NBEA: variants seen among roughly 807,000 people sequenced by gnomAD.
NBEA encodes the protein neurobeachin.
In NBEA, 44 loss-of-function variants were observed where a neutral mutation model predicts 343.4. The ratio of observed to expected loss-of-function variants is 0.13; its 90% CI spans 0.10 to 0.16. NBEA has a LOEUF of 0.16. Among genes scored for constraint, NBEA ranks in the 10% least tolerant of loss-of-function variants. NBEA has a pLI of 1.00. For synonymous variants in NBEA, 1,175 were observed against 1,238.7 expected (o/e 0.95, Z 1.08); for missense variants, 2,555 against 3,631.3 (o/e 0.70, Z 7.62).
At chr13:35,079,105 T>C (rs1329037430) in intron 10 of NBEA, among the ~76,000 whole-genome samples, 2 of 152,186 alleles carry the variant, frequency 1.3e-5, no homozygotes, top group Admixed American at 1.3e-4. Context: ...AATGACCCTG[T>C]ATGAAATAGC....
At chr13:35,484,816 A>G (rs2152969179) in intron 41 of NBEA, among the ~76,000 whole-genome samples, 1 of 152,240 alleles carries the variant, frequency 6.6e-6, no homozygotes, top group East Asian at 1.9e-4. Flanking sequence ...GTGGAAAACT[A>G]GTTTACATAA....
intron 1 of NBEA, among the ~76,000 whole-genome samples, chr13:34,993,608 T>C (rs956819542): frequency 2.0e-5 from 3 of 152,188 alleles, no homozygotes; most frequent in East Asian, 3.9e-4. Flanking sequence ...GTGAGGAAGT[T>C]AGTCTCCAAA....
intron 31 of NBEA, among the ~76,000 whole-genome samples, chr13:35,200,560 T>C (rs1368308367): frequency 6.6e-6 from 1 of 151,850 alleles, no homozygotes; most frequent in Non-Finnish European, 1.5e-5. Flanking sequence ...ACAAAGCTTA[T>C]AGTTGTGTTG....
intron 39 of NBEA, among the ~76,000 whole-genome samples, chr13:35,445,973 C>CA (rs1198341980): frequency 6.6e-6 from 1 of 151,396 alleles, no homozygotes; most frequent in East Asian, 1.9e-4. Flanking sequence ...CCCCTCTCCC[C>CA]ACCCCACAAC....
chr13:35,323,654 T>A (rs1223851470), intron 36 of NBEA, among the ~76,000 whole-genome samples: 1 of 151,790 alleles, frequency 6.6e-6, no homozygotes, highest in Non-Finnish European at 1.5e-5. Context: ...ACATGGCACA[T>A]GTATACATAT....
Position 35,196,049 on chromosome 13 carries a change from T to C in NBEA, c.5113T>C (p.Ser1705Pro), listed in dbSNP as rs200565255. Residue 1705 changes from serine to proline, a missense_variant, in exon 31 of 59, where the codon TCC becomes CCC. By Grantham distance (74) the Ser-to-Pro change is moderately conservative. This residue lies in a region of NBEA where 270 missense variants were observed against 293.3 expected (regional missense o/e 0.92). Transcript: ENST00000379939. The stretch of plus-strand genomic sequence containing the variant: ...CCCTGATGCCATGAGTGAACTCTTA[T>C]CCACTTTGTCATCCGAAGTGAAGAA... ...TGPDAMSELL[S>P]TLSSEVKKSQ... 9 of 1,613,550 alleles carry C rather than the reference T, an allele frequency of 5.6e-6. No individual in the cohort carries two copies. Among genetic ancestry groups the C allele is most frequent in the South Asian group, 3.3e-5 (3 of 91,088 alleles).
At chr13:35,027,762 G>T (rs746125456) in intron 1 of NBEA, among the ~76,000 whole-genome samples, 2 of 151,848 alleles carry the variant, frequency 1.3e-5, no homozygotes, top group Non-Finnish European at 2.9e-5. Context: ...CCAGGCTCTA[G>T]GTCCTGAATA....
intron 41 of NBEA, among the ~76,000 whole-genome samples, chr13:35,525,854 A>C (rs2077949707): frequency 6.6e-6 from 1 of 152,128 alleles, no homozygotes. Flanking sequence ...ACATGGTGGA[A>C]GGGGAAGAGG....
chr13:35,179,931 T>G (rs1287893963), intron 28 of NBEA: 1 of 329,532 alleles, frequency 3.0e-6, no homozygotes, highest in African/African-American at 2.2e-5. Context: ...TTAAACAGTT[T>G]GTAAGACAAA....
chr13:34,967,481 G>A (rs2059860235), intron 1 of NBEA, among the ~76,000 whole-genome samples: 1 of 151,872 alleles, frequency 6.6e-6, no homozygotes, highest in Non-Finnish European at 1.5e-5. Context: ...CATATGGCAA[G>A]GATTTGATGC....
intron 39 of NBEA, among the ~76,000 whole-genome samples, chr13:35,441,235 C>T (rs1477771150): frequency 2.6e-5 from 4 of 152,096 alleles, no homozygotes; most frequent in Non-Finnish European, 5.9e-5. Context: ...AAAGAAGACA[C>T]CAAGCCTCTC....
chr13:35,512,461 T>C (rs189752472), intron 41 of NBEA, among the ~76,000 whole-genome samples: 18 of 152,342 alleles, frequency 1.2e-4, no homozygotes, highest in Admixed American at 2.0e-4. Flanking sequence ...AAAAATGGAA[T>C]AGCTGAGTCA....
At chr13:34,997,260 CT>C (rs1435731695) in intron 1 of NBEA, among the ~76,000 whole-genome samples, 2 of 152,104 alleles carry the variant, frequency 1.3e-5, no homozygotes, top group Non-Finnish European at 2.9e-5. Flanking sequence ...ATATGTGATA[CT>C]TTTTGAAATA....
chr13:35,411,145 C>A (rs375316800), intron 38 of NBEA, among the ~76,000 whole-genome samples: 2 of 152,024 alleles, frequency 1.3e-5, no homozygotes, highest in Non-Finnish European at 2.9e-5. Context: ...AGTTTTATCT[C>A]CTGTTACAGT....
Position 34,942,767 on chromosome 13 carries a change from G to T in NBEA, c.-54G>T. The T allele has an allele frequency of 3.1e-6, 4 of 1,289,686 alleles. No homozygotes were observed. The highest frequency in any genetic ancestry group is 3.9e-6 in the Non-Finnish European group (4 of 1,015,172). The allele number at this position is 1,289,686 out of a possible 1,614,324, so 79.9% of individuals were successfully genotyped here. On this transcript the variant is annotated 5_prime_UTR_variant, in exon 1 of 59. Coordinates refer to ENST00000379939, the MANE Select transcript of NBEA (RefSeq NM_001385012.1). The stretch of plus-strand genomic sequence containing the variant: ...GGGCGGGGGCCGAGGCAGGTATAAC[G>T]GTACCGGCGGCGGCAGCGCCGCTGC...
chr13:35,335,039 A>AGG, intron 36 of NBEA, among the ~76,000 whole-genome samples: 2 of 152,126 alleles, frequency 1.3e-5, no homozygotes, highest in South Asian at 4.1e-4. Flanking sequence ...ATATATGATG[A>AGG]GGGATAGGGG....
At chr13:35,626,732 C>A (rs1399207121) in intron 48 of NBEA, among the ~76,000 whole-genome samples, 1 of 152,058 alleles carries the variant, frequency 6.6e-6, no homozygotes, top group East Asian at 1.9e-4. Context: ...ACAAATTGAC[C>A]AAACTAATAT....
At chr13:35,003,956 G>A (rs574518775) in intron 1 of NBEA, among the ~76,000 whole-genome samples, 2 of 152,142 alleles carry the variant, frequency 1.3e-5, no homozygotes, top group African/African-American at 4.8e-5. Context: ...CCCTGACAGG[G>A]TGTGTTGTTC....
chr13:35,435,552 G>C lies in NBEA; in HGVS notation c.6304+3159G>C, dbSNP rs140921004. On this transcript the variant is annotated intron_variant, in intron 39 of 58. Coordinates refer to ENST00000379939, the MANE Select transcript of NBEA (RefSeq NM_001385012.1). ...TAATGGATATGTGCAGGAGTGGGGT[G>C]GGGGGGGCGTGTAGATGTTTGTTAA... 1.1e-3 allele frequency among the ~76,000 whole-genome samples: 160 copies of C among 150,580 alleles called. 2 individuals are homozygous for C. In the East Asian group the frequency reaches 0.022, roughly 21 times the overall value.
Sources: gnomAD v4.1 joint callset for allele counts (sites outside exome capture counted in the v4.1 genomes callset) on GRCh38, gnomAD v4.1.1 for gene constraint, gnomAD v4.1.1 regional missense constraint, MANE v1.5 for transcripts, NCBI Gene and HGNC (gene_info 2026-07-23, HGNC 2026-07-21) for gene names.